The following PSPH variants were observed in gnomAD, a reference collection of about 807,000 sequenced individuals.
PSPH encodes the protein L-3-phosphoserine phosphatase.
Under a neutral mutation model 23.4 loss-of-function variants are expected in PSPH, and 16 were observed. The ratio of observed to expected loss-of-function variants is 0.68; its 90% confidence interval spans 0.46 to 1.04. The LOEUF (loss-of-function observed/expected upper bound fraction) is 1.04, where lower values mean the gene tolerates loss of function less well. Among genes scored for constraint, PSPH ranks in the 50% least tolerant of loss-of-function variants. The probability of loss-of-function intolerance (pLI) is 0.00; values close to 1 mark genes in which losing one functional copy is unlikely to be tolerated. For synonymous variants in PSPH, 68 were observed against 99.7 expected (o/e 0.68, Z 1.89); for missense variants, 223 against 273.7 (o/e 0.81, Z 1.31).
At position 56,020,191 on chromosome 7, in the gene PSPH, C is replaced by G. The variant is rs183916577; in HGVS notation, c.141-457G>C. ...CCAAGATCTCACCACTGCACCCCAG[C>G]CTGGATGACAGAGTTAAGATTCCAT... On this transcript the variant is annotated intron_variant, in intron 4 of 7. Coordinates refer to ENST00000275605, the MANE Select transcript of PSPH (RefSeq NM_004577.4). Among the ~76,000 whole-genome samples, 578 of 144,772 alleles carry G rather than the reference C, an allele frequency of 4.0e-3. 3 individuals carry two copies. Among genetic ancestry groups the G allele is most frequent in the African/African-American group, 0.015 (552 of 37,258 alleles). 95.0% of individuals were successfully genotyped at this position (144,772 alleles called of 152,430 possible).
chr7:56,027,887 T>TA (rs11445778), intron 3 of PSPH, among the ~76,000 whole-genome samples: 2,795 of 74,682 alleles, frequency 0.037, 103 homozygotes, highest in African/African-American at 0.084. Flanking sequence ...ATTCTTTCTC[T>TA]AAAAAAAAAA....
At chr7:56,018,671 T>C (rs957103235) in intron 5 of PSPH, among the ~76,000 whole-genome samples, 2 of 151,774 alleles carry the variant, frequency 1.3e-5, no homozygotes, top group African/African-American at 4.8e-5. Context: ...CTACAAAAAA[T>C]ATTTTAAAGG....
At chr7:56,043,092 A>AC in intron 1 of PSPH, 1 of 152,052 alleles carries the variant, frequency 6.6e-6, no homozygotes, top group South Asian at 2.1e-4. Flanking sequence ...ACATGGTGAA[A>AC]CCTGTCTCTA....
intron 2 of PSPH, among the ~76,000 whole-genome samples, chr7:56,032,472 A>G (rs1458092874): frequency 6.6e-6 from 1 of 150,858 alleles, no homozygotes; most frequent in Non-Finnish European, 1.5e-5. Context: ...CCTGGCTAAC[A>G]TGGCGAAACC....
rs201442517 is a variant in PSPH, at chr7:56,041,191, C to A, written c.-291-7085G>T. 2.5e-4 allele frequency among the ~76,000 whole-genome samples: 37 copies of A among 150,338 alleles called. 1 individual carries two copies. The East Asian group carries it at 6.7e-3, about 27-fold the overall frequency. On this transcript the variant is annotated intron_variant, in intron 1 of 7. Coordinates refer to ENST00000275605, the MANE Select transcript of PSPH (RefSeq NM_004577.4). ...CCAGCTTGATTATCATAGCAAGACT[C>A]TATCTCTCTCTCTCTCTCTTTTTTT...
chr7:56,011,093 A>C lies in PSPH; in HGVS notation c.*669T>G, dbSNP rs1787871204. 6.7e-6 allele frequency: 1 copy of C among 150,218 alleles called. No homozygotes were observed. Among genetic ancestry groups the C allele is most frequent in the Non-Finnish European group, 1.5e-5 (1 of 68,040 alleles). The allele number at this position is 150,218 out of a possible 1,614,324, so 9.3% of individuals were successfully genotyped here. A position where few individuals can be genotyped will look rare whatever the true frequency, so the allele number is the denominator to read the frequency against. ...GACATACGGATAAACTTTTATTGACATACCAAAGAGAAACCAATATTCACT... is the reference window on the plus strand; with the variant it reads ...GACATACGGATAAACTTTTATTGACCTACCAAAGAGAAACCAATATTCACT... On this transcript the variant is annotated 3_prime_UTR_variant, in exon 8 of 8. Transcript: ENST00000275605.
chr7:56,019,776 T>G (rs773365449), intron 4 of PSPH, 42 bp from the exon 5 acceptor site: 4 of 1,608,696 alleles, frequency 2.5e-6, no homozygotes, highest in Admixed American at 3.3e-5. Context: ...AGGTCCGATG[T>G]CCTCAAGGTT....
intron 1 of PSPH, among the ~76,000 whole-genome samples, chr7:56,049,628 G>A (rs1458601555): frequency 2.6e-5 from 4 of 151,774 alleles, no homozygotes; most frequent in African/African-American, 9.7e-5. Flanking sequence ...TAGTAGAGAC[G>A]GGTTTCACTA....
chr7:56,050,510 C>T (rs1007597117), intron 1 of PSPH, among the ~76,000 whole-genome samples: 16 of 152,160 alleles, frequency 1.1e-4, no homozygotes, highest in Admixed American at 7.2e-4. Flanking sequence ...AAGTGATGCC[C>T]CCGCCTCATC....
chr7:56,036,540 G>C (rs1327007396), intron 1 of PSPH, among the ~76,000 whole-genome samples: 2 of 151,866 alleles, frequency 1.3e-5, no homozygotes, highest in African/African-American at 2.4e-5. Flanking sequence ...GAGGCGGGAG[G>C]ATCATTTGAG....
rs181376695 is a variant in PSPH at position 56,030,800 on chromosome 7, G to A, written c.-20+1129C>T. Among the ~76,000 whole-genome samples, 1,121 of 152,300 alleles carry A rather than the reference G, an allele frequency of 7.4e-3. 10 individuals carry two copies. The highest frequency in any genetic ancestry group is 0.025 in the African/African-American group (1,043 of 41,574). The stretch of plus-strand genomic sequence containing the variant: ...TGTAATCCCAGCTACTCAGGAGGCT[G>A]AGGCAGGAGAATCACTTGAACCTTG... On this transcript the variant is annotated intron_variant, in intron 3 of 7. Transcript: ENST00000275605.
intron 1 of PSPH, among the ~76,000 whole-genome samples, chr7:56,041,209 C>CTTTT (rs1163943212): frequency 6.9e-5 from 9 of 130,400 alleles, no homozygotes; most frequent in Non-Finnish European, 8.1e-5. Flanking sequence ...CTCTCTCTCT[C>CTTTT]TTTTTTTTTT....
In PSPH at chr7:56,050,827, T is replaced by C. The variant is rs570337368; in HGVS notation, c.-292+311A>G. On this transcript the variant is annotated intron_variant, in intron 1 of 7. Transcript: ENST00000275605. ...AACTAGAAGTGGGAGGAAGATTTAA[T>C]TTTCACTACATGCCCTTTGGTGCCT... 1.2e-4 allele frequency among the ~76,000 whole-genome samples: 19 copies of C among 152,286 alleles called. No homozygotes were observed. In the South Asian group the frequency reaches 2.1e-3, roughly 17 times the overall value.
chr7:56,028,163 C>T (rs1790478598), intron 3 of PSPH, among the ~76,000 whole-genome samples: 1 of 152,066 alleles, frequency 6.6e-6, no homozygotes, highest in African/African-American at 2.4e-5. Flanking sequence ...GCCTGACTTA[C>T]AGCTCAGAAT....
chr7:56,029,183 G>A (rs369508604), intron 3 of PSPH, among the ~76,000 whole-genome samples: 1 of 152,052 alleles, frequency 6.6e-6, no homozygotes, highest in Non-Finnish European at 1.5e-5. Context: ...AAATTCTCGT[G>A]GCTATAGGGG....
At chr7:56,039,148 C>CAAAAAAAAAAA (rs34620559) in intron 1 of PSPH, among the ~76,000 whole-genome samples, 1 of 56,628 alleles carries the variant, frequency 1.8e-5, no homozygotes, top group Non-Finnish European at 3.6e-5. Context: ...AACTCTGTCT[C>CAAAAAAAAAAA]AAAAAAAAAA....
In PSPH at chr7:56,024,339, G is replaced by A. The variant is rs183161262; in HGVS notation, c.-19-3108C>T. On this transcript the variant is annotated intron_variant, in intron 3 of 7. Coordinates refer to ENST00000275605, the MANE Select transcript of PSPH (RefSeq NM_004577.4). ...TGAACCTTCCATCATGGCCTCTTGA[G>A]TAGCTGGGACTACAGGTGTGAGCCA... Among the ~76,000 whole-genome samples, 11 of 151,736 alleles carry A rather than the reference G, an allele frequency of 7.2e-5. No homozygotes were observed. The East Asian group carries it at 2.1e-3, about 29-fold the overall frequency.
intron 1 of PSPH, among the ~76,000 whole-genome samples, chr7:56,041,585 G>A (rs1792545634): frequency 1.3e-5 from 2 of 151,974 alleles, no homozygotes; most frequent in South Asian, 2.1e-4. Context: ...AATGTGACCG[G>A]TGTCCTTGTA....
chr7:56,021,218 G>T lies in PSPH; in HGVS notation c.-6C>A. On this transcript the variant is annotated 5_prime_UTR_variant, in exon 4 of 8. Coordinates refer to ENST00000275605, the MANE Select transcript of PSPH (RefSeq NM_004577.4). ...AGCTCTGAGTGGGAGACCATCGCTG[G>T]AAGAATTTTCCTCCTACAAGAAAAA... is the stretch of plus-strand genomic sequence containing the variant. 6.2e-7 allele frequency: 1 copy of T among 1,613,978 alleles called. No individual in the cohort carries two copies. Among genetic ancestry groups the T allele is most frequent in the Non-Finnish European group, 8.5e-7 (1 of 1,179,856 alleles).
Sources: gnomAD v4.1 joint callset for allele counts (sites outside exome capture counted in the v4.1 genomes callset) on GRCh38, gnomAD v4.1.1 for gene constraint, MANE v1.5 for transcripts, NCBI Gene and HGNC (gene_info 2026-07-23, HGNC 2026-07-21) for gene names.